The following MDGA2 variants were observed in gnomAD, a reference collection of about 807,000 sequenced individuals.
MDGA2 encodes the protein MAM domain-containing glycosylphosphatidylinositol anchor protein 2.
In MDGA2, 40 loss-of-function variants were observed where a neutral mutation model predicts 117.8. That is an observed-to-expected ratio of 0.34 (90% confidence interval 0.26 to 0.44). The LOEUF is 0.44. MDGA2 is among the 20% of genes least tolerant of loss of function. The pLI, the probability that MDGA2 is intolerant of heterozygous loss-of-function variation, is 1.00. For synonymous variants in MDGA2, 452 were observed against 439.0 expected (o/e 1.03, Z -0.37); for missense variants, 1,123 against 1,250.6 (o/e 0.90, Z 1.54).
chr14:47,071,213 A>C (rs1239022894), intron 6 of MDGA2, among the ~76,000 whole-genome samples: 2 of 152,220 alleles, frequency 1.3e-5, no homozygotes, highest in Non-Finnish European at 2.9e-5. Context: ...ATGTCATGTA[A>C]GTACGAGAGT....
chr14:47,318,021 A>G lies in MDGA2; in HGVS notation c.281-16471T>C, dbSNP rs1219664666. Among the ~76,000 whole-genome samples the G allele has an allele frequency of 2.6e-5, 4 of 152,104 alleles. No homozygotes were observed. The East Asian group carries it at 7.7e-4, about 29-fold the overall frequency. ...GAAATGTTTCATATACCACAAACAT[A>G]AGAACTTGCCCTTTTAATCTGTCCA... On this transcript the variant is annotated intron_variant, in intron 1 of 16. Transcript: ENST00000399232.
In MDGA2 at chr14:46,874,432, TCAAA is replaced by T. The variant is rs759980030; in HGVS notation, c.2438-236_2438-233del. ...TAATATCTTATTGAATAATTAAGAC[TCAAA>T]CAATTTTTCTCTAAAATATCCAGAT... On this transcript the variant is annotated intron_variant, in intron 12 of 16. Transcript: ENST00000399232. 1.3e-3 allele frequency among the ~76,000 whole-genome samples: 202 copies of T among 151,974 alleles called. 2 individuals carry two copies. The highest frequency in any genetic ancestry group is 4.5e-3 in the African/African-American group (187 of 41,546).
intron 10 of MDGA2, among the ~76,000 whole-genome samples, chr14:46,895,431 G>A (rs1379023243): frequency 6.6e-6 from 1 of 152,052 alleles, no homozygotes; most frequent in Non-Finnish European, 1.5e-5. Context: ...TTATTTTTAA[G>A]AATAACTAGG....
chr14:47,346,154 C>T (rs931847297), intron 1 of MDGA2, among the ~76,000 whole-genome samples: 2 of 152,062 alleles, frequency 1.3e-5, no homozygotes, highest in African/African-American at 4.8e-5. Flanking sequence ...TTATCCTGAT[C>T]TGATCACTAT....
At chr14:47,638,490 T>C (rs1279886433) in intron 1 of MDGA2, among the ~76,000 whole-genome samples, 3 of 152,158 alleles carry the variant, frequency 2.0e-5, no homozygotes, top group Non-Finnish European at 2.9e-5. Context: ...AGGTAAGAAG[T>C]AGGAATTACA....
intron 1 of MDGA2, among the ~76,000 whole-genome samples, chr14:47,407,489 T>C (rs765947652): frequency 2.0e-5 from 3 of 152,202 alleles, no homozygotes; most frequent in Admixed American, 1.3e-4. Context: ...GAATTCTTTA[T>C]AGAATTCCAT....
chr14:47,027,297 T>C (rs1388694544), intron 8 of MDGA2, among the ~76,000 whole-genome samples: 1 of 152,138 alleles, frequency 6.6e-6, no homozygotes, highest in Non-Finnish European at 1.5e-5. Flanking sequence ...TTGAATTCAT[T>C]TTTGCACAGT....
At chr14:47,140,731 A>G (rs1343128625) in intron 4 of MDGA2, among the ~76,000 whole-genome samples, 1 of 152,152 alleles carries the variant, frequency 6.6e-6, no homozygotes, top group African/African-American at 2.4e-5. Flanking sequence ...CACAACTACT[A>G]GAAGAAAACA....
chr14:47,136,283 T>C (rs1882452121), intron 4 of MDGA2, among the ~76,000 whole-genome samples: 1 of 151,004 alleles, frequency 6.6e-6, no homozygotes. Flanking sequence ...GCTGAAACTC[T>C]GCCTCCAGGT....
Position 47,650,772 on chromosome 14 carries a change from CA to C in MDGA2, c.280+23744del, listed in dbSNP as rs1222668856. Among the ~76,000 whole-genome samples the C allele has an allele frequency of 2.6e-5, 4 of 151,992 alleles. No homozygotes were observed. The East Asian group carries it at 5.8e-4, about 22-fold the overall frequency. On this transcript the variant is annotated intron_variant, in intron 1 of 16. Coordinates refer to ENST00000399232, the MANE Select transcript of MDGA2 (RefSeq NM_001113498.3). ...AGCAGATGATAATCATACAAATGCA[CA>C]AAAAAACAATGTGGAATGAACACAC...
At chr14:47,362,558 A>G (rs995924540) in intron 1 of MDGA2, among the ~76,000 whole-genome samples, 13 of 152,108 alleles carry the variant, frequency 8.5e-5, no homozygotes, top group African/African-American at 3.1e-4. Flanking sequence ...TGTGCCTTAT[A>G]TATATTTTCA....
intron 1 of MDGA2, among the ~76,000 whole-genome samples, chr14:47,591,976 G>A (rs2138860436): frequency 6.6e-6 from 1 of 151,906 alleles, no homozygotes; most frequent in Non-Finnish European, 1.5e-5. Flanking sequence ...AATAGAAAGA[G>A]AAAGTTGAAG....
At chr14:47,580,813 T>C (rs1896216097) in intron 1 of MDGA2, among the ~76,000 whole-genome samples, 1 of 152,002 alleles carries the variant, frequency 6.6e-6, no homozygotes, top group Non-Finnish European at 1.5e-5. Flanking sequence ...ATGCTTCCAC[T>C]ACATAACATG....
intron 14 of MDGA2, among the ~76,000 whole-genome samples, chr14:46,869,926 G>T (rs1003222863): frequency 6.6e-6 from 1 of 151,902 alleles, no homozygotes; most frequent in Non-Finnish European, 1.5e-5. Context: ...AGCAAAGCCT[G>T]CCAAAAATCA....
intron 8 of MDGA2, among the ~76,000 whole-genome samples, chr14:47,022,738 T>C (rs955561613): frequency 1.3e-5 from 2 of 152,126 alleles, no homozygotes; most frequent in Admixed American, 1.3e-4. Context: ...ATTTTAAGGA[T>C]ATTCATGACA....
At chr14:46,929,303 A>T (rs1273737090) in intron 9 of MDGA2, among the ~76,000 whole-genome samples, 2 of 151,814 alleles carry the variant, frequency 1.3e-5, no homozygotes, top group African/African-American at 4.8e-5. Context: ...AACTTGAAAG[A>T]CCCCAAGCCT....
chr14:47,544,554 T>C (rs1895420516), intron 1 of MDGA2, among the ~76,000 whole-genome samples: 1 of 152,166 alleles, frequency 6.6e-6, no homozygotes, highest in African/African-American at 2.4e-5. Flanking sequence ...CTGTTTGTTT[T>C]TTTGTGTGTG....
chr14:47,559,658 C>T (rs756108292), intron 1 of MDGA2, among the ~76,000 whole-genome samples: 2 of 151,844 alleles, frequency 1.3e-5, no homozygotes, highest in East Asian at 1.9e-4. Context: ...CTGCAACCCC[C>T]GCCTCCCGGG....
intron 7 of MDGA2, among the ~76,000 whole-genome samples, chr14:47,042,321 T>TGTGTG (rs1555346005): frequency 6.9e-5 from 9 of 130,700 alleles, no homozygotes; most frequent in Admixed American, 5.6e-4. Context: ...TGTTTTTTTT[T>TGTGTG]TTTTTTTGTG....
Sources: allele counts gnomAD v4.1 joint callset (sites outside exome capture counted in the v4.1 genomes callset), GRCh38; gene constraint gnomAD v4.1.1; transcripts MANE v1.5; gene names NCBI Gene and HGNC (gene_info 2026-07-23, HGNC 2026-07-21).